Variants in WWOX observed in about 807,000 individuals in gnomAD.
WWOX encodes WW domain containing oxidoreductase, also known as WW domain-containing oxidoreductase.
In WWOX, 69 loss-of-function variants were observed where a neutral mutation model predicts 46.2. The observed-to-expected ratio is 1.49, with a 90% CI of 1.23 to 1.82. WWOX has a LOEUF of 1.82. Ranked by LOEUF, WWOX falls within the 40% of genes most tolerant of loss-of-function variation. The probability of loss-of-function intolerance (pLI) is 0.00; values close to 1 mark genes in which losing one functional copy is unlikely to be tolerated. For synonymous variants in WWOX, 359 were observed against 202.6 expected, an observed-to-expected ratio of 1.77 and a Z score of -6.56; for missense variants, 919 against 542.6, an observed-to-expected ratio of 1.69 and a Z score of -6.89.
intron 5 of WWOX, among the ~76,000 whole-genome samples, chr16:78,334,278 C>T (rs555331240): frequency 6.6e-6 from 1 of 152,198 alleles, no homozygotes; most frequent in Non-Finnish European, 1.5e-5. Context: ...TACGGGCTCT[C>T]ACCCTCCTCC....
At chr16:79,081,644 A>G (rs1416078566) in intron 8 of WWOX, among the ~76,000 whole-genome samples, 1 of 152,108 alleles carries the variant, frequency 6.6e-6, no homozygotes, top group Non-Finnish European at 1.5e-5. Flanking sequence ...ACTGCATTAT[A>G]TTTGAGTGAG....
At chr16:78,258,805 A>G (rs1001852351) in intron 5 of WWOX, among the ~76,000 whole-genome samples, 3 of 152,002 alleles carry the variant, frequency 2.0e-5, no homozygotes, top group Non-Finnish European at 1.5e-5. Flanking sequence ...TCTTGACCTT[A>G]AAGTTTACAG....
intron 8 of WWOX, among the ~76,000 whole-genome samples, chr16:79,196,698 C>T (rs1310919230): frequency 6.6e-6 from 1 of 152,124 alleles, no homozygotes; most frequent in Admixed American, 6.5e-5. Context: ...GGATTCAGAT[C>T]CTGTCTCCCC....
chr16:78,191,326 TA>T (rs1457541672), intron 5 of WWOX, among the ~76,000 whole-genome samples: 1 of 152,174 alleles, frequency 6.6e-6, no homozygotes, highest in East Asian at 1.9e-4. Context: ...ACCATTGAGC[TA>T]CTAAGTTGGA....
At chr16:78,367,008 C>G (rs12149155) in intron 5 of WWOX, among the ~76,000 whole-genome samples, 18,550 of 114,066 alleles carry the variant, frequency 0.16, 1,889 homozygotes, top group African/African-American at 0.32. Flanking sequence ...AAGACGTAGT[C>G]TTGCTCTGTT....
chr16:78,448,738 A>T (rs539876627), intron 8 of WWOX, among the ~76,000 whole-genome samples: 1 of 152,308 alleles, frequency 6.6e-6, no homozygotes, highest in East Asian at 1.9e-4. Context: ...AAGGGGAGGA[A>T]TAATCATGTC....
intron 8 of WWOX, among the ~76,000 whole-genome samples, chr16:79,127,195 TAC>T (rs1030769239): frequency 1.3e-5 from 2 of 152,000 alleles, no homozygotes; most frequent in Non-Finnish European, 2.9e-5. Flanking sequence ...TGTATACATA[TAC>T]ACACACACAC....
At chr16:78,490,942 G>T (rs1486990443) in intron 8 of WWOX, among the ~76,000 whole-genome samples, 1 of 152,066 alleles carries the variant, frequency 6.6e-6, no homozygotes, top group Admixed American at 6.6e-5. Flanking sequence ...GAGGCATCAC[G>T]GGCAACTCGG....
At chr16:79,204,286 G>A (rs937070300) in intron 8 of WWOX, 1 of 152,072 alleles carries the variant, frequency 6.6e-6, no homozygotes, top group African/African-American at 2.4e-5. Flanking sequence ...GTTCTAATGA[G>A]ACAGCCTCTC....
At chr16:78,272,794 A>G (rs946097270) in intron 5 of WWOX, among the ~76,000 whole-genome samples, 3 of 152,146 alleles carry the variant, frequency 2.0e-5, no homozygotes, top group African/African-American at 7.2e-5. Flanking sequence ...GCTGTTTTTA[A>G]TTCACCACAC....
At chr16:78,517,511 G>A (rs1338744306) in intron 8 of WWOX, among the ~76,000 whole-genome samples, 2 of 152,188 alleles carry the variant, frequency 1.3e-5, no homozygotes, top group Non-Finnish European at 2.9e-5. Flanking sequence ...CCTAATGAAT[G>A]TCTACTGAAT....
chr16:78,633,478 G>A (rs773418751), intron 8 of WWOX, among the ~76,000 whole-genome samples: 2 of 152,078 alleles, frequency 1.3e-5, no homozygotes, highest in African/African-American at 4.8e-5. Context: ...ACAGAACCAC[G>A]AGTTCAGAAC....
At chr16:78,611,247 TCTC>T (rs1297403870) in intron 8 of WWOX, among the ~76,000 whole-genome samples, 2 of 152,178 alleles carry the variant, frequency 1.3e-5, no homozygotes, top group African/African-American at 4.8e-5. Context: ...GTGAAAGACA[TCTC>T]CTTCTCATAT....
chr16:78,777,724 C>T (rs1050609294), intron 8 of WWOX, among the ~76,000 whole-genome samples: 3 of 152,068 alleles, frequency 2.0e-5, no homozygotes, highest in East Asian at 3.9e-4. Context: ...TATTATGTGC[C>T]AGATACTAGG....
At chr16:78,862,729 C>A (rs546134672) in intron 8 of WWOX, among the ~76,000 whole-genome samples, 8 of 152,186 alleles carry the variant, frequency 5.3e-5, no homozygotes, top group African/African-American at 1.9e-4. Context: ...CATAGAGAGG[C>A]AATTCTTTCT....
chr16:78,650,477 A>G (rs1107984), intron 8 of WWOX, among the ~76,000 whole-genome samples: 34,637 of 152,084 alleles, frequency 0.23, 4,024 homozygotes, highest in Non-Finnish European at 0.24. Flanking sequence ...CAGCCTGCCC[A>G]TGCAATGCTT....
At chr16:78,221,821 C>T (rs112991408) in intron 5 of WWOX, among the ~76,000 whole-genome samples, 33 of 152,316 alleles carry the variant, frequency 2.2e-4, no homozygotes, top group African/African-American at 7.2e-4. Flanking sequence ...TGATTTTATA[C>T]ACTCATGCAT....
At chr16:79,075,782 C>G (rs1384884402) in intron 8 of WWOX, among the ~76,000 whole-genome samples, 1 of 152,084 alleles carries the variant, frequency 6.6e-6, no homozygotes, top group Non-Finnish European at 1.5e-5. Flanking sequence ...GTAATGGAAG[C>G]AAGAGAGGTT....
chr16:78,485,715 G>C (rs1054587399), intron 8 of WWOX, among the ~76,000 whole-genome samples: 19 of 152,170 alleles, frequency 1.2e-4, no homozygotes, highest in African/African-American at 3.6e-4. Context: ...TTGCTTGAAC[G>C]CTGGCTCCAG....
Sources: allele counts gnomAD v4.1 joint callset (sites outside exome capture counted in the v4.1 genomes callset), GRCh38; gene constraint gnomAD v4.1.1; transcripts MANE v1.5; gene names NCBI Gene and HGNC (gene_info 2026-07-23, HGNC 2026-07-21).